The following ZNF462 variants were observed in gnomAD, a reference collection of about 807,000 sequenced individuals.
The protein encoded by ZNF462 is zinc finger protein 462.
Under a neutral mutation model 201.9 loss-of-function variants are expected in ZNF462, and 10 were observed. The observed-to-expected ratio is 0.05, with a 90% CI of 0.03 to 0.08. The LOEUF (loss-of-function observed/expected upper bound fraction) is 0.08, where lower values mean the gene tolerates loss of function less well. Among genes scored for constraint, ZNF462 ranks in the 10% least tolerant of loss-of-function variants. ZNF462 has a pLI of 1.00. For synonymous variants in ZNF462, 1,227 were observed against 1,193.3 expected, an observed-to-expected ratio of 1.03 and a Z score of -0.58; for missense variants, 2,523 against 3,168.3, an observed-to-expected ratio of 0.80 and a Z score of 4.89.
intron 7 of ZNF462, among the ~76,000 whole-genome samples, chr9:106,953,942 C>G (rs1010902901): frequency 6.6e-6 from 1 of 152,134 alleles, no homozygotes; most frequent in African/African-American, 2.4e-5. Flanking sequence ...CTGCTTAGTC[C>G]TGATGTTTAT....
intron 1 of ZNF462, among the ~76,000 whole-genome samples, chr9:106,873,718 G>A (rs932624578): frequency 2.0e-5 from 3 of 152,140 alleles, no homozygotes; most frequent in Non-Finnish European, 2.9e-5. Context: ...AACATCACAA[G>A]ATAGTAAGGA....
At chr9:106,965,586 G>A (rs1397661491) in intron 7 of ZNF462, among the ~76,000 whole-genome samples, 1 of 151,344 alleles carries the variant, frequency 6.6e-6, no homozygotes, top group East Asian at 1.9e-4. Flanking sequence ...AACCTTTGAA[G>A]GAAGAATCTC....
Position 106,926,738 on chromosome 9 carries a change from A to G in ZNF462, c.2826A>G (p.Pro942=), listed in dbSNP as rs370473826. ...GCCCGAATGTTAGAAGCCTGATGCC[A>G]CATTACCAAAGAATGCATCCCACGG... ...YTSPNVRSLM[P]HYQRMHPTVK... is the part of the protein sequence containing the mutation. Residue 942 remains proline (P), a synonymous_variant, in exon 3 of 13, where the codon CCA becomes CCG. Coordinates refer to ENST00000277225, the MANE Select transcript of ZNF462 (RefSeq NM_021224.6). This position sits in a 1 kb window ranked among gnomAD's most constrained non-coding sequence, Gnocchi z 7.9. 1 of 1,614,050 alleles carries G rather than the reference A, an allele frequency of 6.2e-7. No individual in the cohort carries two copies. The highest frequency in any genetic ancestry group is 8.5e-7 in the Non-Finnish European group (1 of 1,180,038).
intron 10 of ZNF462, among the ~76,000 whole-genome samples, chr9:106,996,893 A>C (rs568767283): frequency 6.9e-4 from 105 of 152,280 alleles, no homozygotes; most frequent in African/African-American, 2.4e-3. Flanking sequence ...TATAAAGCTA[A>C]GTAAGAAATG....
chr9:106,985,241 A>G lies in ZNF462; in HGVS notation c.7056+832A>G, dbSNP rs576906859. 7.2e-5 allele frequency among the ~76,000 whole-genome samples: 11 copies of G among 152,298 alleles called. No individual in the cohort carries two copies. The East Asian group carries it at 7.7e-4, about 11-fold the overall frequency. On this transcript the variant is annotated intron_variant, in intron 10 of 12. Transcript: ENST00000277225. ...GATAGAATTACCTCTGTGTTCCTCA[A>G]TCGTGTAGGTGGTTTCCAATATTTT...
At chr9:106,942,376 C>T (rs1830910508) in intron 7 of ZNF462, among the ~76,000 whole-genome samples, 2 of 152,174 alleles carry the variant, frequency 1.3e-5, no homozygotes, top group African/African-American at 4.8e-5. Flanking sequence ...TGGCCACACA[C>T]CTGTTCTGTG....
intron 1 of ZNF462, among the ~76,000 whole-genome samples, chr9:106,915,556 C>T (rs779391286): frequency 6.6e-6 from 1 of 152,194 alleles, no homozygotes; most frequent in Non-Finnish European, 1.5e-5. Context: ...ATGGATGTTT[C>T]TCCTGCTATA....
intron 7 of ZNF462, among the ~76,000 whole-genome samples, chr9:106,946,337 C>T (rs1831104596): frequency 1.3e-5 from 2 of 152,144 alleles, no homozygotes; most frequent in African/African-American, 4.8e-5. Flanking sequence ...TCATCTAAAG[C>T]AATTAATCTC....
At chr9:106,887,667 A>G (rs901102112) in intron 1 of ZNF462, among the ~76,000 whole-genome samples, 3 of 152,084 alleles carry the variant, frequency 2.0e-5, no homozygotes, top group African/African-American at 7.2e-5. Context: ...ATATACATCT[A>G]TTTCTTTCCT....
Position 106,959,093 on chromosome 9 carries a change from G to A in ZNF462, c.6428-12912G>A, listed in dbSNP as rs185989315. 6.6e-5 allele frequency among the ~76,000 whole-genome samples: 10 copies of A among 152,224 alleles called. No individual in the cohort carries two copies. The East Asian group carries it at 1.7e-3, about 26-fold the overall frequency. On this transcript the variant is annotated intron_variant, in intron 7 of 12. Coordinates refer to ENST00000277225, the MANE Select transcript of ZNF462 (RefSeq NM_021224.6). ...TGCATTGTTAACTAACAAAATAGGA[G>A]TGAATCATTCTGTCTGTGGTATTAC... is the stretch of plus-strand genomic sequence containing the variant.
At position 106,972,147 on chromosome 9, in the gene ZNF462, G is replaced by A. The variant is rs1357818775; in HGVS notation, c.6570G>A (p.Val2190=). ...AAGTEQKTEA[V]LHCEFCEFSS... ...GCACTGAGCAGAAAACTGAAGCCGT[G>A]CTTCACTGCGAATTCTGTGAATTCT... is the stretch of plus-strand genomic sequence containing the variant. Residue 2190 remains valine, a synonymous_variant, in exon 8 of 13, where the codon GTG becomes GTA. Coordinates refer to ENST00000277225, the MANE Select transcript of ZNF462 (RefSeq NM_021224.6). This position sits in a 1 kb window ranked among gnomAD's most constrained non-coding sequence, Gnocchi z 4.8. 2 of 1,614,080 alleles carry A rather than the reference G, an allele frequency of 1.2e-6. No individual in the cohort carries two copies. Among genetic ancestry groups the A allele is most frequent in the Non-Finnish European group, 1.7e-6 (2 of 1,180,038 alleles).
Position 106,920,199 on chromosome 9 carries a change from A to C in ZNF462, c.-30-3155A>C, listed in dbSNP as rs1160936051. Among the ~76,000 whole-genome samples the C allele has an allele frequency of 6.6e-6, 1 of 151,936 alleles. No homozygotes were observed. Reference sequence around the variant, plus strand: ...TAGAGGATTACCATCTGCTGCAAAAACATATGAATGGGTCATCGTCATGTC... The same window carrying C: ...TAGAGGATTACCATCTGCTGCAAAACCATATGAATGGGTCATCGTCATGTC... On this transcript the variant is annotated intron_variant, in intron 1 of 12. Transcript: ENST00000277225. This position sits in a 1 kb window ranked among gnomAD's most constrained non-coding sequence, Gnocchi z 4.3.
At chr9:106,964,551 C>T (rs1831986226) in intron 7 of ZNF462, among the ~76,000 whole-genome samples, 1 of 152,028 alleles carries the variant, frequency 6.6e-6, no homozygotes, top group African/African-American at 2.4e-5. Flanking sequence ...CTTCCAGTTT[C>T]CATTTCTTTG....
chr9:106,988,821 T>C lies in ZNF462; in HGVS notation c.7056+4412T>C, dbSNP rs183612774. On this transcript the variant is annotated intron_variant, in intron 10 of 12. Coordinates refer to ENST00000277225, the MANE Select transcript of ZNF462 (RefSeq NM_021224.6). ...GCTATTTTAAAAGGGGTTGGGTTCT[T>C]GATTTGATTCTCCACTGGTCGCTGT... Among the ~76,000 whole-genome samples, 713 of 152,232 alleles carry C rather than the reference T, an allele frequency of 4.7e-3. 9 individuals are homozygous for C. Among genetic ancestry groups the C allele is most frequent in the African/African-American group, 0.017 (689 of 41,570 alleles).
chr9:107,004,099 A>T (rs1829384453), intron 11 of ZNF462, among the ~76,000 whole-genome samples: 1 of 152,200 alleles, frequency 6.6e-6, no homozygotes, highest in Admixed American at 6.5e-5. Flanking sequence ...TTGTGGATAT[A>T]CATTTATGTG....
At position 106,927,438 on chromosome 9, in the gene ZNF462, C is replaced by T. The variant is rs766958549; in HGVS notation, c.3526C>T (p.Leu1176=). The T allele has an allele frequency of 5.6e-6, 9 of 1,613,774 alleles. No individual in the cohort carries two copies. In the African/African-American group the frequency reaches 1.1e-4, roughly 19 times the overall value. Residue 1176 remains leucine, a synonymous_variant, in exon 3 of 13, where the codon CTG becomes TTG. Transcript: ENST00000277225. ...CCGGCCACCCGCCCCCATACAACAG[C>T]TGAACCGAAGCAGCTCTGAGAGAGA... ...SPRPPAPIQQ[L]NRSSSERDGP...
intron 1 of ZNF462, among the ~76,000 whole-genome samples, chr9:106,882,842 A>G (rs1460103749): frequency 6.6e-6 from 1 of 152,194 alleles, no homozygotes; most frequent in Non-Finnish European, 1.5e-5. Context: ...GGTGGCATGT[A>G]TTTTGTAGGG....
chr9:106,979,311 T>C (rs1372643403), intron 9 of ZNF462: 1 of 152,040 alleles, frequency 6.6e-6, no homozygotes, highest in African/African-American at 2.4e-5. Context: ...CATGGGTGAA[T>C]TGGTTAATCA....
intron 1 of ZNF462, among the ~76,000 whole-genome samples, chr9:106,888,641 T>A (rs1828436346): frequency 6.6e-6 from 1 of 152,200 alleles, no homozygotes; most frequent in South Asian, 2.1e-4. Context: ...AGTGCCACTG[T>A]GGTCTGTTGC....
Sources: allele counts gnomAD v4.1 joint callset (sites outside exome capture counted in the v4.1 genomes callset), GRCh38; gene constraint gnomAD v4.1.1; non-coding constraint Gnocchi (gnomAD v3.1); transcripts MANE v1.5; gene names NCBI Gene and HGNC (gene_info 2026-07-23, HGNC 2026-07-21).